Variants in SLIT3 observed in about 807,000 individuals in gnomAD.
The protein encoded by SLIT3 is slit guidance ligand 3.
SLIT3 carries 68 observed loss-of-function variants against 184.0 expected under a neutral mutation model. The ratio of observed to expected loss-of-function variants is 0.37; its 90% CI spans 0.30 to 0.45. SLIT3 has a LOEUF of 0.45. SLIT3 is among the 20% of genes least tolerant of loss of function. The pLI, the probability that SLIT3 is intolerant of heterozygous loss-of-function variation, is 1.00. For missense variants in SLIT3, 1,707 were observed against 2,026.0 expected, an observed-to-expected ratio of 0.84 and a Z score of 3.02; for synonymous variants, 831 against 828.6, an observed-to-expected ratio of 1.00 and a Z score of -0.05.
chr5:169,285,278 T>A (rs1010345974), intron 1 of SLIT3, among the ~76,000 whole-genome samples: 8 of 152,314 alleles, frequency 5.3e-5, no homozygotes, highest in Admixed American at 2.0e-4. Context: ...TTCCACCAAA[T>A]CTGCTGCCTA....
In SLIT3 at chr5:168,749,512, A is replaced by G. The variant is rs2304035; in HGVS notation, c.2097T>C (p.Ile699=). ...RCQKPFFLKE[I]PIQDVAIQDF... The stretch of plus-strand genomic sequence containing the variant: ...CCTGGATGGCCACATCCTGGATGGG[A>G]ATCTCCTTGAGGAAAAATGGCTTCT... Residue 699 remains isoleucine (I), a synonymous_variant, in exon 19 of 36, where the codon ATT becomes ATC. Transcript: ENST00000519560. 0.4 allele frequency: 650,887 copies of G among 1,613,780 alleles called. 135,217 individuals carry two copies. The highest frequency in any genetic ancestry group is 0.58 in the Admixed American group (34,775 of 60,000).
chr5:169,002,188 T>G (rs1581287059), intron 4 of SLIT3, among the ~76,000 whole-genome samples: 1 of 148,486 alleles, frequency 6.7e-6, no homozygotes, highest in African/African-American at 2.5e-5. Context: ...TCAGGCATGG[T>G]GGTGTGTGCT....
intron 20 of SLIT3, among the ~76,000 whole-genome samples, chr5:168,745,066 A>C (rs1198426800): frequency 6.6e-6 from 1 of 152,228 alleles, no homozygotes; most frequent in Non-Finnish European, 1.5e-5. Flanking sequence ...GTAGGAGGTC[A>C]AAATAGCAAC....
chr5:169,028,994 G>A lies in SLIT3; in HGVS notation c.414-145658C>T, dbSNP rs139717965. ...GGGTCTGGAGGTGTGTGATGGCTGTGGAGCTGTGAAAACACCACTTGACAT... is the reference window on the plus strand; with the variant it reads ...GGGTCTGGAGGTGTGTGATGGCTGTAGAGCTGTGAAAACACCACTTGACAT... On this transcript the variant is annotated intron_variant, in intron 4 of 35. Transcript: ENST00000519560. Among the ~76,000 whole-genome samples the A allele has an allele frequency of 4.8e-3, 725 of 152,288 alleles. 5 individuals are homozygous for A. Among genetic ancestry groups the A allele is most frequent in the African/African-American group, 0.016 (684 of 41,556 alleles).
chr5:169,095,612 G>A (rs970900255), intron 4 of SLIT3, among the ~76,000 whole-genome samples: 6 of 152,138 alleles, frequency 3.9e-5, no homozygotes, highest in South Asian at 2.1e-4. Context: ...GGAGTGGCTC[G>A]CTGTGGCATT....
chr5:168,804,135 C>T (rs1255040642), intron 9 of SLIT3, among the ~76,000 whole-genome samples: 8 of 151,388 alleles, frequency 5.3e-5, no homozygotes, highest in African/African-American at 1.2e-4. Context: ...GATAAAACCC[C>T]GTCTCTACTA....
At chr5:169,076,402 A>C (rs1230078906) in intron 4 of SLIT3, among the ~76,000 whole-genome samples, 3 of 152,190 alleles carry the variant, frequency 2.0e-5, no homozygotes, top group Non-Finnish European at 4.4e-5. Flanking sequence ...CAAGTTTCAC[A>C]GCAAGAAAAG....
In SLIT3 at chr5:169,300,452, T is replaced by TG; in HGVS notation, c.197+60dup. 7.2e-7 allele frequency: 1 copy of TG among 1,390,898 alleles called. No individual in the cohort carries two copies. Among genetic ancestry groups the TG allele is most frequent in the African/African-American group, 1.5e-5 (1 of 66,114 alleles). 86.2% of individuals were successfully genotyped at this position (1,390,898 alleles called of 1,614,324 possible). A position where few individuals can be genotyped will look rare whatever the true frequency, so the allele number is the denominator to read the frequency against. On this transcript the variant is annotated intron_variant, in intron 1 of 35. Transcript: ENST00000519560. The surrounding 1 kb of genome is among the most constrained non-coding windows in gnomAD (Gnocchi z 4.1). ...GAGGGGAAAGGACGGATCTGGCGCC[T>TG]GGGGCCCCCTCGGTGGGACCCAGGT...
At chr5:168,973,219 T>C (rs1754638943) in intron 4 of SLIT3, among the ~76,000 whole-genome samples, 1 of 152,012 alleles carries the variant, frequency 6.6e-6, no homozygotes, top group African/African-American at 2.4e-5. Flanking sequence ...TAACTTTTTT[T>C]CCCTCTTTTT....
rs535358095 is a variant in SLIT3, at chr5:168,698,277, T to C, written c.2943-1846A>G. On this transcript the variant is annotated intron_variant, in intron 27 of 35. Coordinates refer to ENST00000519560, the MANE Select transcript of SLIT3 (RefSeq NM_003062.4). ...CCCTGAGTACATCAGAACGTGATCTTATTTTGAAATAGGATCTTTGCAGAT... is the reference window on the plus strand; with the variant it reads ...CCCTGAGTACATCAGAACGTGATCTCATTTTGAAATAGGATCTTTGCAGAT... Among the ~76,000 whole-genome samples the C allele has an allele frequency of 6.6e-5, 10 of 152,340 alleles. No individual in the cohort carries two copies. The East Asian group carries it at 1.3e-3, about 21-fold the overall frequency.
At chr5:168,966,427 G>T (rs1763196568) in intron 4 of SLIT3, among the ~76,000 whole-genome samples, 1 of 152,046 alleles carries the variant, frequency 6.6e-6, no homozygotes, top group Non-Finnish European at 1.5e-5. Flanking sequence ...GGGGCAGCCT[G>T]GGTCAGGGCA....
intron 3 of SLIT3, among the ~76,000 whole-genome samples, chr5:169,194,059 C>G (rs112614082): frequency 0.028 from 4,291 of 151,518 alleles, 220 homozygotes; most frequent in African/African-American, 0.099. Context: ...ATGGTGAAAC[C>G]CCGTTTCTAA....
At chr5:169,002,322 C>CAAAAAAAAAAAAAAAAAAAAAAAA (rs397999882) in intron 4 of SLIT3, among the ~76,000 whole-genome samples, 7 of 24,198 alleles carry the variant, frequency 2.9e-4, no homozygotes, top group East Asian at 1.6e-3. Flanking sequence ...GACTCTGTCT[C>CAAAAAAAAAAAAAAAAAAAAAAAA]AAAAAAAAAA....
At chr5:169,152,517 C>T (rs903344045) in intron 4 of SLIT3, among the ~76,000 whole-genome samples, 5 of 152,140 alleles carry the variant, frequency 3.3e-5, no homozygotes, top group Non-Finnish European at 4.4e-5. Context: ...GTCTGGGCAC[C>T]GCCTCGTGGG....
chr5:169,241,052 A>G (rs1765390250), intron 3 of SLIT3, among the ~76,000 whole-genome samples: 1 of 151,848 alleles, frequency 6.6e-6, no homozygotes, highest in African/African-American at 2.4e-5. Context: ...CTTTTTTTGA[A>G]CTTAAAAGTC....
intron 4 of SLIT3, chr5:169,012,071 T>C (rs1292558832): frequency 6.6e-6 from 1 of 152,076 alleles, no homozygotes. Context: ...CAAATACAAA[T>C]GATAACTCTT....
chr5:168,826,278 A>G (rs1757701045), intron 6 of SLIT3, among the ~76,000 whole-genome samples: 1 of 152,094 alleles, frequency 6.6e-6, no homozygotes, highest in Non-Finnish European at 1.5e-5. Flanking sequence ...GACTTTCATG[A>G]TTTGCTGCTT....
chr5:168,793,809 G>T (rs1023993820), intron 10 of SLIT3, among the ~76,000 whole-genome samples: 1 of 150,858 alleles, frequency 6.6e-6, no homozygotes. Context: ...TTGGGGGGGG[G>T]GATGCATGGA....
In SLIT3 at chr5:168,842,468, C is replaced by CG. The variant is rs1561962531; in HGVS notation, c.557+2115dup. ...CTGGTGCATCTGGATACCGTTTTTT[C>CG]GTTTTTTTTTTTTTTTTTTGTATCT... On this transcript the variant is annotated intron_variant, in intron 6 of 35. Transcript: ENST00000519560. Among the ~76,000 whole-genome samples the CG allele has an allele frequency of 6.5e-5, 4 of 61,320 alleles. No individual in the cohort carries two copies. In the East Asian group the frequency reaches 1.4e-3, roughly 21 times the overall value. 40.2% of individuals were successfully genotyped at this position (61,320 alleles called of 152,430 possible). A position where few individuals can be genotyped will look rare whatever the true frequency, so the allele number is the denominator to read the frequency against.
Sources: gnomAD v4.1 joint callset for allele counts (sites outside exome capture counted in the v4.1 genomes callset) on GRCh38, gnomAD v4.1.1 for gene constraint, Gnocchi (gnomAD v3.1) non-coding constraint, MANE v1.5 for transcripts, NCBI Gene and HGNC (gene_info 2026-07-23, HGNC 2026-07-21) for gene names.